The following PLSCR2 variants were observed in gnomAD, a reference collection of about 807,000 sequenced individuals.
The protein encoded by PLSCR2 is phospholipid scramblase 2, also known as PL scramblase 2.
In PLSCR2, 18 loss-of-function variants were observed where a neutral mutation model predicts 25.3. The ratio of observed to expected loss-of-function variants is 0.71; its 90% CI spans 0.49 to 1.06. PLSCR2 has a LOEUF of 1.06. Among genes scored for constraint, PLSCR2 ranks in the 50% least tolerant of loss-of-function variants. The pLI, the probability that PLSCR2 is intolerant of heterozygous loss-of-function variation, is 0.00. For synonymous variants in PLSCR2, 88 were observed against 87.3 expected, an observed-to-expected ratio of 1.01 and a Z score of -0.04; for missense variants, 243 against 269.5, an observed-to-expected ratio of 0.90 and a Z score of 0.69.
chr3:146,438,929 T>C (rs186759165), downstream of PLSCR2, among the ~76,000 whole-genome samples: 485 of 152,350 alleles, frequency 3.2e-3, 4 homozygotes, highest in African/African-American at 0.01. Flanking sequence ...TTCCTTTCAA[T>C]GTTTAGTGCT....
At chr3:146,462,060 A>G (rs1340559851), upstream of PLSCR2, 1 of 559,808 alleles carries the variant, frequency 1.8e-6, no homozygotes, top group African/African-American at 1.9e-5. Context: ...CATGGATTGA[A>G]ATAGTTCTGA....
At chr3:146,469,384 G>T in intron 1 of PLSCR2, 111 bp downstream of exon 1, 2 of 938,004 alleles carry the variant, frequency 2.1e-6, no homozygotes, top group Non-Finnish European at 2.5e-6. Flanking sequence ...GGCCCATTGG[G>T]CCCTTGCCCC....
rs373036722 is a variant in PLSCR2 at position 146,448,360 on chromosome 3, GT to G, written c.645+845del. Among the ~76,000 whole-genome samples, 263 of 152,178 alleles carry G rather than the reference GT, an allele frequency of 1.7e-3. 2 individuals carry two copies. Among genetic ancestry groups the G allele is most frequent in the African/African-American group, 6.2e-3 (257 of 41,528 alleles). On this transcript the variant is annotated intron_variant, in intron 6 of 6. Transcript: ENST00000610787. ...TTTTTGCTGTATATTATCTGTTAAG[GT>G]TTTCTGATTATTTCACCAAATTAAT...
At chr3:146,461,577 G>A (rs903541375), upstream of PLSCR2, among the ~76,000 whole-genome samples, 20 of 152,244 alleles carry the variant, frequency 1.3e-4, no homozygotes, top group Non-Finnish European at 2.5e-4. Flanking sequence ...ACTTTAGATG[G>A]ATATAATTTA....
intron 6 of PLSCR2, among the ~76,000 whole-genome samples, chr3:146,445,229 T>G (rs2040481267): frequency 6.6e-6 from 1 of 152,120 alleles, no homozygotes; most frequent in Admixed American, 6.5e-5. Flanking sequence ...TATTCTGTGT[T>G]TATCTGTGTA....
At chr3:146,405,419 G>A (rs1375807288) in intron 2 of PLSCR2, among the ~76,000 whole-genome samples, 2 of 152,088 alleles carry the variant, frequency 1.3e-5, no homozygotes, top group African/African-American at 4.8e-5. Context: ...TTGAGGAAGG[G>A]GCTGCCAGTG....
intron 2 of PLSCR2, chr3:146,416,589 A>G (rs1053415950): frequency 6.6e-6 from 1 of 152,178 alleles, no homozygotes; most frequent in African/African-American, 2.4e-5. Context: ...AATAGCCATA[A>G]ACTGGATTAT....
intron 5 of PLSCR2, among the ~76,000 whole-genome samples, chr3:146,450,978 A>C (rs1424674037): frequency 6.6e-6 from 1 of 151,950 alleles, no homozygotes; most frequent in East Asian, 1.9e-4. Flanking sequence ...TTTATAAAGT[A>C]TAGATAATTT....
intron 1 of PLSCR2, among the ~76,000 whole-genome samples, chr3:146,468,150 T>C (rs2041949538): frequency 6.6e-6 from 1 of 152,204 alleles, no homozygotes; most frequent in South Asian, 2.1e-4. Flanking sequence ...TGAAGGCTGC[T>C]TCATGTACAG....
intron 1 of PLSCR2, among the ~76,000 whole-genome samples, chr3:146,480,108 G>A (rs1212749939): frequency 6.6e-6 from 1 of 152,196 alleles, no homozygotes; most frequent in Non-Finnish European, 1.5e-5. Context: ...GAAATTTATA[G>A]CACTAAATGC....
intron 1 of PLSCR2, among the ~76,000 whole-genome samples, chr3:146,470,648 C>T (rs1466053767): frequency 6.6e-6 from 1 of 152,034 alleles, no homozygotes; most frequent in Non-Finnish European, 1.5e-5. Context: ...CTCCCGATTA[C>T]CCTGCTAACC....
chr3:146,472,663 C>T (rs1292801559), intron 1 of PLSCR2, among the ~76,000 whole-genome samples: 4 of 152,076 alleles, frequency 2.6e-5, no homozygotes, highest in Non-Finnish European at 5.9e-5. Flanking sequence ...GTTCCATTCT[C>T]GTGACCTAAT....
chr3:146,468,333 G>A (rs964938536), intron 1 of PLSCR2, among the ~76,000 whole-genome samples: 2 of 152,144 alleles, frequency 1.3e-5, no homozygotes, highest in Non-Finnish European at 2.9e-5. Context: ...AGAAAGAAAG[G>A]AGCCCCCAAA....
At chr3:146,495,793 C>T (rs1019873984) in intron 1 of PLSCR2, 86 of 855,162 alleles carry the variant, frequency 1.0e-4, no homozygotes, top group Non-Finnish European at 1.3e-4. Context: ...TTAGGTAGTT[C>T]GTGAATAGGA....
downstream of PLSCR2, among the ~76,000 whole-genome samples, chr3:146,440,493 C>G (rs1254393508): frequency 2.0e-5 from 3 of 152,218 alleles, no homozygotes; most frequent in East Asian, 1.9e-4. Context: ...CCTTCCCCAG[C>G]CTCGCTGCCA....
chr3:146,459,849 T>C (rs1304157991), exon 2 of PLSCR2: 1 of 1,593,230 alleles, frequency 6.3e-7, no homozygotes, highest in Admixed American at 1.7e-5. Context: ...TGAAATTACC[T>C]GACTTAAGTA....
At position 146,451,172 on chromosome 3, in the gene PLSCR2, C is replaced by T. The variant is rs2040872744; in HGVS notation, c.484-1805G>A. ...TCTTGTCCCCCAGGCTGGAGTGCAACGGCGCGATCTCCGCTCACTGCAACC... is the reference window on the plus strand; with the variant it reads ...TCTTGTCCCCCAGGCTGGAGTGCAATGGCGCGATCTCCGCTCACTGCAACC... On this transcript the variant is annotated intron_variant, in intron 5 of 6. Coordinates refer to ENST00000610787, the Ensembl canonical transcript of PLSCR2. Among the ~76,000 whole-genome samples the T allele has an allele frequency of 2.2e-5, 3 of 135,162 alleles. 1 individual carries two copies. In the South Asian group the frequency reaches 7.0e-4, roughly 32 times the overall value. 88.7% of individuals were successfully genotyped at this position (135,162 alleles called of 152,430 possible). A position where few individuals can be genotyped will look rare whatever the true frequency, so the allele number is the denominator to read the frequency against.
Position 146,398,839 on chromosome 3 carries a change from T to C in PLSCR2, c.101-2918A>G, listed in dbSNP as rs201209622. The C allele has an allele frequency of 2.0e-5, 3 of 152,248 alleles. No homozygotes were observed. In the East Asian group the frequency reaches 5.8e-4, roughly 29 times the overall value. 9.4% of individuals were successfully genotyped at this position (152,248 alleles called of 1,614,324 possible). A position where few individuals can be genotyped will look rare whatever the true frequency, so the allele number is the denominator to read the frequency against. ...ACTTTTAGCTACAAAAGATTGAAAATATAATATTGATCCAACTGGATATGT... is the reference window on the plus strand; with the variant it reads ...ACTTTTAGCTACAAAAGATTGAAAACATAATATTGATCCAACTGGATATGT... On this transcript the variant is annotated intron_variant and NMD_transcript_variant, in intron 2 of 3. Coordinates refer to the PLSCR2 transcript ENST00000463633.
At chr3:146,414,901 T>A (rs1333917902) in intron 2 of PLSCR2, among the ~76,000 whole-genome samples, 1 of 152,194 alleles carries the variant, frequency 6.6e-6, no homozygotes, top group Non-Finnish European at 1.5e-5. Context: ...AGACCAGAAT[T>A]TTCAGGAATG....
Sources: gnomAD v4.1 joint callset for allele counts (sites outside exome capture counted in the v4.1 genomes callset) on GRCh38, gnomAD v4.1.1 for gene constraint, MANE v1.5 for transcripts, NCBI Gene and HGNC (gene_info 2026-07-23, HGNC 2026-07-21) for gene names.